Variants in SLC9A3 observed in about 807,000 individuals in gnomAD.
SLC9A3 encodes solute carrier family 9 member A3.
Under a neutral mutation model 86.8 loss-of-function variants are expected in SLC9A3, and 37 were observed. The ratio of observed to expected loss-of-function variants is 0.43; its 90% CI spans 0.33 to 0.56. The LOEUF is 0.56. SLC9A3 is among the 20% of genes least tolerant of loss of function. SLC9A3 has a pLI of 0.06. For synonymous variants in SLC9A3, 581 were observed against 528.3 expected, an observed-to-expected ratio of 1.10 and a Z score of -1.37; for missense variants, 1,011 against 1,171.9, an observed-to-expected ratio of 0.86 and a Z score of 2.00.
chr5:482,093 C>T lies in SLC9A3; in HGVS notation c.1421G>A (p.Arg474Gln), dbSNP rs13154302. 1,724 of 1,604,730 alleles carry T rather than the reference C, an allele frequency of 1.1e-3. 2 individuals carry two copies. Among genetic ancestry groups the T allele is most frequent in the Non-Finnish European group, 1.4e-3 (1,640 of 1,176,614 alleles). ...GCGCCCGTGCAGCTTCTCGTTGAGC[C>T]GAGGTTCCCGGTGCTCGCTCCTCTT... ...KVKRSEHREP[R>Q]LNEKLHGRAF... is the part of the protein sequence containing the mutation. Residue 474 changes from arginine to glutamine, a missense_variant, in exon 8 of 17, where the codon CGG becomes CAG. By Grantham distance (43) the Arg-to-Gln change is conservative. Coordinates refer to ENST00000264938, the MANE Select transcript of SLC9A3 (RefSeq NM_004174.4).
In SLC9A3 at chr5:475,109, G is replaced by T; in HGVS notation, c.2275C>A (p.Pro759Thr). 1 of 1,603,576 alleles carries T rather than the reference G, an allele frequency of 6.2e-7. No individual in the cohort carries two copies. Among genetic ancestry groups the T allele is most frequent in the Non-Finnish European group, 8.5e-7 (1 of 1,174,476 alleles). ...AGGCTGCGGTCCAGGGCCTCGTCCG[G>T]AGAAAACACAGGGTTGTCAATTCCT... ...PAGIDNPVFS[P>T]DEALDRSLLA... Residue 759 changes from proline to threonine, a missense_variant, in exon 16 of 17, where the codon CCG (proline) becomes ACG (threonine). This residue lies in a region of SLC9A3 where 397 missense variants were observed against 346.3 expected (regional missense o/e 1.15). Transcript: ENST00000264938.
intron 1 of SLC9A3, among the ~76,000 whole-genome samples, chr5:500,093 G>C (rs1740193033): frequency 6.6e-6 from 1 of 152,272 alleles, no homozygotes; most frequent in South Asian, 2.1e-4. Flanking sequence ...CCACCGCACT[G>C]ACTGCGGCAA....
chr5:520,251 A>G (rs929753603), intron 1 of SLC9A3, among the ~76,000 whole-genome samples: 2 of 152,098 alleles, frequency 1.3e-5, no homozygotes, highest in African/African-American at 4.8e-5. Context: ...CTGGGGACAA[A>G]TAGACCCAGC....
At chr5:481,508 A>G (rs1739163050) in intron 9 of SLC9A3, 57 bp downstream of exon 9, 22 of 1,391,430 alleles carry the variant, frequency 1.6e-5, no homozygotes, top group Non-Finnish European at 2.3e-5. Context: ...TTCCGAGTGG[A>G]GGATGTTTCC....
intron 10 of SLC9A3, chr5:479,178 C>T (rs1298109675): frequency 1.3e-5 from 2 of 152,638 alleles, no homozygotes; most frequent in African/African-American, 4.8e-5. Flanking sequence ...CAGCTGTGCC[C>T]CCAGGCCCTG....
intron 1 of SLC9A3, among the ~76,000 whole-genome samples, chr5:519,266 C>A (rs918657162): frequency 6.6e-6 from 1 of 152,214 alleles, no homozygotes; most frequent in Non-Finnish European, 1.5e-5. Flanking sequence ...ACTTTGCTGA[C>A]CACCCTGGCC....
chr5:512,713 T>G (rs6555324), intron 1 of SLC9A3, among the ~76,000 whole-genome samples: 135,499 of 152,150 alleles, frequency 0.89, 60,573 homozygotes, highest in Non-Finnish European at 0.91. Flanking sequence ...CCGAAGCTGT[T>G]GGGGGGGCAC....
chr5:480,020 C>T, intron 9 of SLC9A3, 55 bp from the exon 10 acceptor site: 1 of 1,582,810 alleles, frequency 6.3e-7, no homozygotes, highest in Non-Finnish European at 8.6e-7. Flanking sequence ...CTAGAGCCCG[C>T]CGGACGCGTG....
intron 1 of SLC9A3, among the ~76,000 whole-genome samples, chr5:498,092 G>A (rs1740109910): frequency 6.6e-6 from 1 of 152,188 alleles, no homozygotes; most frequent in African/African-American, 2.4e-5. Context: ...CCGCACTCCT[G>A]GACGTCTCTC....
chr5:477,043 G>T, intron 11 of SLC9A3: 1 of 510,442 alleles, frequency 2.0e-6, no homozygotes, highest in South Asian at 2.5e-5. Context: ...GGAGCAGTAA[G>T]GGTGGCATGG....
chr5:513,881 G>A (rs1733645800), intron 1 of SLC9A3, among the ~76,000 whole-genome samples: 3 of 152,236 alleles, frequency 2.0e-5, no homozygotes, highest in African/African-American at 4.8e-5. Context: ...CACCTCTGGC[G>A]ACAGGGCTGC....
chr5:479,810 C>G, intron 10 of SLC9A3, 26 bp downstream of exon 10: 1 of 1,611,406 alleles, frequency 6.2e-7, no homozygotes, highest in Middle Eastern at 1.7e-4. Context: ...GCAGCCCCGA[C>G]CCGGCAGAGC....
At chr5:475,756 C>A in intron 14 of SLC9A3, 85 bp from the exon 15 acceptor site, 1 of 815,182 alleles carries the variant, frequency 1.2e-6, no homozygotes. Flanking sequence ...CAGCTCTGTG[C>A]ACAGAGGTGC....
chr5:485,244 CG>C lies in SLC9A3; in HGVS notation c.676-14del, dbSNP rs3214559. Reference sequence around the variant, plus strand: ...CATTGTACAGAACCTGCAGGGAAAACGGGCAGGGCGTTGGGTGGTCCTTGGT... The same window carrying C: ...CATTGTACAGAACCTGCAGGGAAAACGGCAGGGCGTTGGGTGGTCCTTGGT... On this transcript the variant is annotated splice_polypyrimidine_tract_variant and intron_variant, in intron 3 of 16. Transcript: ENST00000264938. The C allele has an allele frequency of 0.011, 18,450 of 1,612,072 alleles. 706 individuals are homozygous for C. The highest frequency in any genetic ancestry group is 0.11 in the African/African-American group (7,966 of 74,956).
intron 1 of SLC9A3, among the ~76,000 whole-genome samples, chr5:500,711 G>A (rs1446401684): frequency 7.1e-6 from 1 of 140,002 alleles, no homozygotes; most frequent in East Asian, 2.3e-4. Flanking sequence ...CAGTGTGGAT[G>A]GGGCTGGTGG....
intron 1 of SLC9A3, among the ~76,000 whole-genome samples, chr5:505,797 G>A (rs1176445209): frequency 8.4e-6 from 1 of 119,032 alleles, no homozygotes; most frequent in Non-Finnish European, 1.8e-5. Flanking sequence ...TGGGTGGGGA[G>A]TGACCATGTG....
intron 1 of SLC9A3, among the ~76,000 whole-genome samples, chr5:519,171 C>T (rs1733814453): frequency 6.6e-6 from 1 of 152,140 alleles, no homozygotes; most frequent in African/African-American, 2.4e-5. Flanking sequence ...GACTCCAAAC[C>T]CACTGAGCAT....
chr5:491,519 A>G lies in SLC9A3; in HGVS notation c.514+250T>C, dbSNP rs1023679751. ...GGAGGAAGAGCGGCAGCCCCTGGCC[A>G]CCTGCAGCCCCCAAGCCGAGCTGCC... On this transcript the variant is annotated intron_variant, in intron 2 of 16. Coordinates refer to ENST00000264938, the MANE Select transcript of SLC9A3 (RefSeq NM_004174.4). The surrounding 1 kb of genome is among the most constrained non-coding windows in gnomAD (Gnocchi z 9.2). Among the ~76,000 whole-genome samples the G allele has an allele frequency of 3.3e-5, 5 of 151,758 alleles. No homozygotes were observed. The highest frequency in any genetic ancestry group is 1.2e-4 in the African/African-American group (5 of 41,304).
intron 1 of SLC9A3, among the ~76,000 whole-genome samples, chr5:519,774 G>A (rs1000651486): frequency 2.6e-5 from 4 of 152,030 alleles, no homozygotes; most frequent in Non-Finnish European, 5.9e-5. Flanking sequence ...CAAGGCTGAA[G>A]CTCCTGCAGA....
Sources: allele counts gnomAD v4.1 joint callset (sites outside exome capture counted in the v4.1 genomes callset), GRCh38; gene constraint gnomAD v4.1.1; regional missense constraint gnomAD v4.1.1; non-coding constraint Gnocchi (gnomAD v3.1); transcripts MANE v1.5; gene names NCBI Gene and HGNC (gene_info 2026-07-23, HGNC 2026-07-21).